Variants in FGD4 observed in about 807,000 individuals in gnomAD.
FGD4 encodes FYVE, RhoGEF and PH domain-containing protein 4.
Under a neutral mutation model 102.0 loss-of-function variants are expected in FGD4, and 42 were observed. The observed-to-expected ratio is 0.41, with a 90% CI of 0.32 to 0.53. FGD4 has a LOEUF of 0.53. Among genes scored for constraint, FGD4 ranks in the 20% least tolerant of loss-of-function variants. FGD4 has a pLI of 0.21. For missense variants in FGD4, 902 were observed against 1,078.2 expected, an observed-to-expected ratio of 0.84 and a Z score of 2.29; for synonymous variants, 380 against 375.7, an observed-to-expected ratio of 1.01 and a Z score of -0.13.
intron 1 of FGD4, among the ~76,000 whole-genome samples, chr12:32,451,834 CAAAAAAAAAAAAAAAA>C (rs60760923): frequency 3.3e-4 from 8 of 24,144 alleles, no homozygotes; most frequent in African/African-American, 9.4e-4. Context: ...AACTCCATCT[CAAAAAAAAAAAAAAAA>C]AAAAAAAAAA....
intron 4 of FGD4, among the ~76,000 whole-genome samples, chr12:32,587,452 G>A (rs940333643): frequency 5.3e-5 from 8 of 151,898 alleles, no homozygotes; most frequent in Non-Finnish European, 7.4e-5. Flanking sequence ...GTGCGGTGAC[G>A]CTATCTCGGC....
chr12:32,519,284 C>A (rs1292608762), intron 1 of FGD4, among the ~76,000 whole-genome samples: 1 of 152,058 alleles, frequency 6.6e-6, no homozygotes, highest in Non-Finnish European at 1.5e-5. Flanking sequence ...GTACAGGTGA[C>A]ATTTGAATGA....
chr12:32,521,766 A>G (rs532067808), intron 1 of FGD4, among the ~76,000 whole-genome samples: 44 of 152,342 alleles, frequency 2.9e-4, no homozygotes, highest in African/African-American at 1.1e-3. Context: ...GTGGCAAATA[A>G]CATTTGCCTC....
At chr12:32,520,190 AC>A (rs1373833538) in intron 1 of FGD4, among the ~76,000 whole-genome samples, 4 of 152,148 alleles carry the variant, frequency 2.6e-5, no homozygotes, top group Non-Finnish European at 5.9e-5. Flanking sequence ...AGTCATTGAA[AC>A]TAAGTATGGA....
chr12:32,510,316 G>A (rs1413283700), intron 1 of FGD4, among the ~76,000 whole-genome samples: 1 of 152,082 alleles, frequency 6.6e-6, no homozygotes, highest in Admixed American at 6.5e-5. Flanking sequence ...CACAAAATGT[G>A]GGAAAATGCT....
chr12:32,489,846 T>C (rs1944031342), intron 1 of FGD4, among the ~76,000 whole-genome samples: 1 of 152,288 alleles, frequency 6.6e-6, no homozygotes, highest in South Asian at 2.1e-4. Flanking sequence ...TAAAAACTTT[T>C]TTTGTCTTGT....
chr12:32,582,589 C>A, intron 4 of FGD4, 122 bp downstream of exon 4: 2 of 1,319,924 alleles, frequency 1.5e-6, no homozygotes, highest in Non-Finnish European at 2.1e-6. Flanking sequence ...GGCAGTTAAA[C>A]GATTTTCAAG....
intron 1 of FGD4, among the ~76,000 whole-genome samples, chr12:32,493,344 C>T (rs1201514193): frequency 1.3e-5 from 2 of 152,188 alleles, no homozygotes; most frequent in Admixed American, 6.5e-5. Flanking sequence ...CTGCAGGGTC[C>T]TCATTGTTTC....
In FGD4 at chr12:32,643,212, A is replaced by G. The variant is rs541235460; in HGVS notation, c.*2679A>G. The G allele has an allele frequency of 6.8e-4, 104 of 152,626 alleles. No individual in the cohort carries two copies. The highest frequency in any genetic ancestry group is 2.4e-3 in the African/African-American group (99 of 41,566). 9.5% of individuals were successfully genotyped at this position (152,626 alleles called of 1,614,324 possible). A position where few individuals can be genotyped will look rare whatever the true frequency, so the allele number is the denominator to read the frequency against. On this transcript the variant is annotated 3_prime_UTR_variant, in exon 17 of 17. Coordinates refer to ENST00000534526, the MANE Select transcript of FGD4 (RefSeq NM_001370298.3). Reference sequence around the variant, plus strand: ...AGTATGAAATATAGTGCAGACTTTTATCTTGGTTTTAAGTGGGGCTCAATA... The same window carrying G: ...AGTATGAAATATAGTGCAGACTTTTGTCTTGGTTTTAAGTGGGGCTCAATA...
At chr12:32,593,625 A>G (rs1299632253) in intron 4 of FGD4, among the ~76,000 whole-genome samples, 1 of 152,224 alleles carries the variant, frequency 6.6e-6, no homozygotes, top group East Asian at 1.9e-4. Context: ...TTCCTATTTA[A>G]GATCCTGTAG....
intron 3 of FGD4, among the ~76,000 whole-genome samples, chr12:32,580,809 C>T (rs1946546018): frequency 6.6e-6 from 1 of 151,640 alleles, no homozygotes; most frequent in Non-Finnish European, 1.5e-5. Flanking sequence ...ATGGTGTGAA[C>T]CCGGGAGGCG....
chr12:32,526,713 T>G (rs796779382), intron 1 of FGD4, among the ~76,000 whole-genome samples: 2 of 152,198 alleles, frequency 1.3e-5, no homozygotes, highest in African/African-American at 2.4e-5. Flanking sequence ...TTTGGGTCCA[T>G]GCTGCTTTTA....
chr12:32,447,171 C>A (rs949471374), intron 1 of FGD4, among the ~76,000 whole-genome samples: 1 of 152,166 alleles, frequency 6.6e-6, no homozygotes, highest in African/African-American at 2.4e-5. Flanking sequence ...ACCGATGACT[C>A]CTTTGAGAAA....
intron 10 of FGD4, among the ~76,000 whole-genome samples, chr12:32,617,320 T>C (rs188436529): frequency 4.3e-4 from 65 of 152,364 alleles, no homozygotes; most frequent in Admixed American, 8.5e-4. Context: ...TGGAATTTGA[T>C]AGATGCAGAT....
chr12:32,633,727 T>C (rs1178379003), intron 15 of FGD4, 38 bp downstream of exon 15: 5 of 1,556,432 alleles, frequency 3.2e-6, no homozygotes, highest in Non-Finnish European at 4.4e-6. Context: ...TTTAGATTAT[T>C]TTTTTCCCAA....
At chr12:32,537,741 T>A (rs552901609) in intron 1 of FGD4, among the ~76,000 whole-genome samples, 13 of 152,222 alleles carry the variant, frequency 8.5e-5, no homozygotes, top group Non-Finnish European at 1.6e-4. Flanking sequence ...CCTCAAAATA[T>A]GTTATGCCTT....
At chr12:32,600,881 G>T (rs1313098248) in intron 5 of FGD4, among the ~76,000 whole-genome samples, 1 of 152,072 alleles carries the variant, frequency 6.6e-6, no homozygotes, top group African/African-American at 2.4e-5. Context: ...AATAAGTGAA[G>T]AAGTCTTTCG....
chr12:32,401,504 G>A (rs1250152938), intron 1 of FGD4, among the ~76,000 whole-genome samples: 86 of 151,800 alleles, frequency 5.7e-4, no homozygotes, highest in African/African-American at 2.0e-3. Context: ...CAAGTGATCC[G>A]CCCGCCTCAG....
intron 2 of FGD4, among the ~76,000 whole-genome samples, chr12:32,571,454 CAAAAAAAA>C (rs567887606): frequency 1.7e-5 from 2 of 118,154 alleles, no homozygotes; most frequent in Non-Finnish European, 3.6e-5. Flanking sequence ...GATTCTGTCT[CAAAAAAAA>C]AAAAGAAAAA....
Sources: allele counts gnomAD v4.1 joint callset (sites outside exome capture counted in the v4.1 genomes callset), GRCh38; gene constraint gnomAD v4.1.1; transcripts MANE v1.5; gene names NCBI Gene and HGNC (gene_info 2026-07-23, HGNC 2026-07-21).